ABCG8: variants seen among roughly 807,000 people sequenced by gnomAD.
The protein encoded by ABCG8 is ATP-binding cassette sub-family G member 8.
A neutral mutation model predicts 71.3 loss-of-function variants in ABCG8; 81 were observed. The ratio of observed to expected loss-of-function variants is 1.14; its 90% CI spans 0.95 to 1.37. The LOEUF (loss-of-function observed/expected upper bound fraction) is 1.37. Ranked by LOEUF, ABCG8 falls within the 40% of genes most tolerant of loss-of-function variation. The pLI is 0.00. For synonymous variants in ABCG8, 451 were observed against 354.7 expected (o/e 1.27, Z -3.05); for missense variants, 1,119 against 866.2 (o/e 1.29, Z -3.66).
At chr2:43,858,236 A>G (rs553295275) in intron 6 of ABCG8, among the ~76,000 whole-genome samples, 3 of 151,716 alleles carry the variant, frequency 2.0e-5, no homozygotes, top group East Asian at 1.9e-4. Context: ...AACTCTCACT[A>G]TCTGTCTGGA....
At chr2:43,845,241 C>T (rs1668708561) in intron 2 of ABCG8, among the ~76,000 whole-genome samples, 1 of 151,886 alleles carries the variant, frequency 6.6e-6, no homozygotes, top group African/African-American at 2.4e-5. Context: ...ATCCATATTC[C>T]CACAGCTCCC....
chr2:43,855,183 A>G (rs1283713129), intron 6 of ABCG8, among the ~76,000 whole-genome samples: 1 of 151,954 alleles, frequency 6.6e-6, no homozygotes, highest in African/African-American at 2.4e-5. Context: ...TCTGGATATA[A>G]TTGTCGCCCT....
chr2:43,844,396 T>C, intron 1 of ABCG8, 111 bp from the exon 2 acceptor site: 1 of 840,572 alleles, frequency 1.2e-6, no homozygotes, highest in Non-Finnish European at 2.0e-6. Flanking sequence ...AATTTGAGAT[T>C]TAACCACGTC....
intron 3 of ABCG8, among the ~76,000 whole-genome samples, chr2:43,850,307 G>A (rs1051305838): frequency 2.0e-5 from 3 of 152,146 alleles, no homozygotes; most frequent in East Asian, 1.9e-4. Context: ...AGCCCAATCC[G>A]CATTCATAGC....
chr2:43,867,493 C>T (rs899860065), intron 6 of ABCG8, among the ~76,000 whole-genome samples: 2 of 151,958 alleles, frequency 1.3e-5, no homozygotes, highest in African/African-American at 4.8e-5. Context: ...AATTCTCACC[C>T]TCTGGATAGA....
At chr2:43,858,741 A>AC (rs11454812) in intron 6 of ABCG8, among the ~76,000 whole-genome samples, 65,944 of 150,434 alleles carry the variant, frequency 0.44, 15,199 homozygotes, top group East Asian at 0.86. Flanking sequence ...TAGAACTCTC[A>AC]CTATCTGGAT....
At chr2:43,846,863 G>T in intron 3 of ABCG8, 1 of 188,572 alleles carries the variant, frequency 5.3e-6, no homozygotes, top group Non-Finnish European at 1.1e-5. Flanking sequence ...GGGGCTTGGG[G>T]AACAGAGGTC....
In ABCG8 at chr2:43,851,574, G is replaced by T; in HGVS notation, c.323-10G>T. 2.5e-6 allele frequency: 4 copies of T among 1,614,182 alleles called. No homozygotes were observed. The highest frequency in any genetic ancestry group is 2.5e-6 in the Non-Finnish European group (3 of 1,179,972). On this transcript the variant is annotated splice_polypyrimidine_tract_variant and intron_variant, in intron 3 of 12. Transcript: ENST00000272286. Reference sequence around the variant, plus strand: ...CTCCGCTCTCAGGGATATCCCTGGTGGCTTTGCAGGTTGTGGGAGAGCCTC... The same window carrying T: ...CTCCGCTCTCAGGGATATCCCTGGTTGCTTTGCAGGTTGTGGGAGAGCCTC...
At chr2:43,860,447 C>G (rs908386350) in intron 6 of ABCG8, among the ~76,000 whole-genome samples, 1 of 151,112 alleles carries the variant, frequency 6.6e-6, no homozygotes, top group African/African-American at 2.4e-5. Flanking sequence ...GGATAGAATT[C>G]TTACACTCTG....
At chr2:43,862,778 TCTCA>T (rs1242763340) in intron 6 of ABCG8, among the ~76,000 whole-genome samples, 1 of 149,632 alleles carries the variant, frequency 6.7e-6, no homozygotes, top group African/African-American at 2.5e-5. Flanking sequence ...TTGGTAGAAC[TCTCA>T]CTATCTCTCT....
At chr2:43,860,711 C>A (rs999099338) in intron 6 of ABCG8, among the ~76,000 whole-genome samples, 1 of 151,500 alleles carries the variant, frequency 6.6e-6, no homozygotes, top group East Asian at 1.9e-4. Context: ...AGAATTCTCA[C>A]CCTCTGGATG....
rs563529696 is a variant in ABCG8 at position 43,882,653 on chromosome 2, G to C, written c.*4740G>C. The C allele has an allele frequency of 6.6e-6, 1 of 152,368 alleles. No homozygotes were observed. The highest frequency in any genetic ancestry group is 2.1e-4 in the South Asian group (1 of 4,828). The allele number at this position is 152,368 out of a possible 1,614,324, so 9.4% of individuals were successfully genotyped here. A position where few individuals can be genotyped will look rare whatever the true frequency, so the allele number is the denominator to read the frequency against. ...CTTCATTTAAAGTGGCCTGGGTACA[G>C]AGCAACATCCCCTGTCTTTATCACA... On this transcript the variant is annotated 3_prime_UTR_variant, in exon 13 of 13. Coordinates refer to ENST00000272286, the MANE Select transcript of ABCG8 (RefSeq NM_022437.3).
intron 6 of ABCG8, among the ~76,000 whole-genome samples, chr2:43,865,817 C>A (rs964752958): frequency 1.3e-5 from 2 of 151,754 alleles, no homozygotes; most frequent in Non-Finnish European, 2.9e-5. Flanking sequence ...CACTATCTGT[C>A]TAGATAGATC....
At position 43,872,021 on chromosome 2, in the gene ABCG8, C is replaced by A. The variant is rs768280644; in HGVS notation, c.1010C>A (p.Ala337Asp). ...AGGCGCAGCAGAGAGCAGGAATTGG[C>A]CACCAGGGAGAAGGCTCAGTCACTC... ...IDRRSREQEL[A>D]TREKAQSLAA... The change falls in exon 7 of 13, where the codon GCC (alanine) becomes GAC (aspartate). Residue 337 changes from alanine (A) to aspartate (D), a missense_variant. Physicochemically the swap from Ala to Asp is moderately radical, Grantham distance 126. Coordinates refer to ENST00000272286, the MANE Select transcript of ABCG8 (RefSeq NM_022437.3). The A allele has an allele frequency of 6.2e-7, 1 of 1,614,092 alleles. No homozygotes were observed. Among genetic ancestry groups the A allele is most frequent in the Admixed American group, 1.7e-5 (1 of 60,028 alleles).
intron 6 of ABCG8, among the ~76,000 whole-genome samples, chr2:43,871,314 A>AGAATTCTCACCCTCTGGATG (rs1669762459): frequency 7.2e-6 from 1 of 139,584 alleles, no homozygotes; most frequent in African/African-American, 2.7e-5. Context: ...CTCTCTGGAT[A>AGAATTCTCACCCTCTGGATG]GAACTCTCAC....
chr2:43,855,881 A>T (rs1669087056), intron 6 of ABCG8, among the ~76,000 whole-genome samples: 1 of 151,566 alleles, frequency 6.6e-6, no homozygotes, highest in African/African-American at 2.4e-5. Flanking sequence ...TAGAACTCTC[A>T]CTATCTGTCT....
rs189249032 is a variant in ABCG8 at position 43,877,641 on chromosome 2, T to C, written c.1837T>C (p.Tyr613His). Residue 613 changes from tyrosine (Y) to histidine (H), a missense_variant, in exon 12 of 13, where the codon TAT (tyrosine) becomes CAT (histidine). Coordinates refer to ENST00000272286, the MANE Select transcript of ABCG8 (RefSeq NM_022437.3). ...GAAGATTCAGTTCAGCAGAAGAACTTATAAAATGCCTCTCGGGAACCTCAC... is the reference window on the plus strand; with the variant it reads ...GAAGATTCAGTTCAGCAGAAGAACTCATAAAATGCCTCTCGGGAACCTCAC... ...LMKIQFSRRT[Y>H]KMPLGNLTIA... is the part of the protein sequence containing the mutation. 3.9e-5 allele frequency: 63 copies of C among 1,614,076 alleles called. 1 individual carries two copies. The Middle Eastern group carries it at 4.9e-4, about 13-fold the overall frequency.
intron 2 of ABCG8, 56 bp downstream of exon 2, chr2:43,844,664 TC>T (rs1668686762): frequency 2.8e-6 from 4 of 1,421,260 alleles, no homozygotes; most frequent in African/African-American, 1.4e-5. Flanking sequence ...GCCAGGAAAT[TC>T]CCCGGGTGGA....
At chr2:43,874,164 G>A (rs1025254583) in intron 9 of ABCG8, among the ~76,000 whole-genome samples, 178 bp downstream of exon 9, 16 of 152,114 alleles carry the variant, frequency 1.1e-4, no homozygotes, top group African/African-American at 3.9e-4. Flanking sequence ...CCGAGTCTTA[G>A]CTGTTCCTAT....
Sources: gnomAD v4.1 joint callset for allele counts (sites outside exome capture counted in the v4.1 genomes callset) on GRCh38, gnomAD v4.1.1 for gene constraint, MANE v1.5 for transcripts, NCBI Gene and HGNC (gene_info 2026-07-23, HGNC 2026-07-21) for gene names.